Variants in SH3TC1 observed in about 807,000 individuals in gnomAD.
SH3TC1 encodes SH3 domain and tetratricopeptide repeat-containing protein 1.
Under a neutral mutation model 117.3 loss-of-function variants are expected in SH3TC1, and 135 were observed. That is an observed-to-expected ratio of 1.15 (90% CI 1.00 to 1.33). The LOEUF (loss-of-function observed/expected upper bound fraction) is 1.33. SH3TC1 is among the 40% of genes most tolerant of loss of function. SH3TC1 has a pLI of 0.00. For synonymous variants in SH3TC1, 898 were observed against 816.9 expected (o/e 1.10, Z -1.69); for missense variants, 2,092 against 1,794.3 (o/e 1.17, Z -3.00).
intron 17 of SH3TC1, among the ~76,000 whole-genome samples, chr4:8,239,301 GCACACA>G (rs773349385): frequency 6.1e-4 from 83 of 136,240 alleles, no homozygotes; most frequent in African/African-American, 1.9e-3. Context: ...GCACACATGA[GCACACA>G]CAGGCACAGG....
rs1207841716 is a variant in SH3TC1, at chr4:8,186,859, G to T, written c.-57+4649G>T. ...CTCGGGAGGCTGAGGTGGGAGAATC[G>T]CTTGAACCCAGAAGGTGGAGGTTGC... On this transcript the variant is annotated intron_variant, in intron 1 of 16. Coordinates refer to the SH3TC1 transcript ENST00000508641. The surrounding 1 kb of genome is among the most constrained non-coding windows in gnomAD (Gnocchi z 5.2). Among the ~76,000 whole-genome samples, 1 of 151,052 alleles carries T rather than the reference G, an allele frequency of 6.6e-6. No homozygotes were observed. Among genetic ancestry groups the T allele is most frequent in the Non-Finnish European group, 1.5e-5 (1 of 67,916 alleles).
chr4:8,235,538 G>C lies in SH3TC1; in HGVS notation c.3388G>C (p.Ala1130Pro). 6.2e-7 allele frequency: 1 copy of C among 1,602,936 alleles called. No individual in the cohort carries two copies. The highest frequency in any genetic ancestry group is 8.5e-7 in the Non-Finnish European group (1 of 1,174,186). ...CGACGGGGCCTGGGAGCGGGAGAAA[G>C]CTGTGTCCTTCTACCGGGTGAGCTG... The part of the protein sequence containing the change: ...FFDGAWEREK[A>P]VSFYRDRALP... The change falls in exon 15 of 18, where the codon GCT becomes CCT. Residue 1130 changes from alanine (A) to proline (P), a missense_variant. Coordinates refer to ENST00000245105, the MANE Select transcript of SH3TC1 (RefSeq NM_018986.5).
At position 8,225,207 on chromosome 4, in the gene SH3TC1, C is replaced by A; in HGVS notation, c.1276C>A (p.Gln426Lys). 1 of 1,613,828 alleles carries A rather than the reference C, an allele frequency of 6.2e-7. No individual in the cohort carries two copies. The highest frequency in any genetic ancestry group is 8.5e-7 in the Non-Finnish European group (1 of 1,179,914). Residue 426 changes from glutamine (Q) to lysine (K), a missense_variant, in exon 11 of 18, where the codon CAG becomes AAG. Coordinates refer to ENST00000245105, the MANE Select transcript of SH3TC1 (RefSeq NM_018986.5). This position sits in a 1 kb window ranked among gnomAD's most constrained non-coding sequence, Gnocchi z 5.5. ...SVEEAETEQP[Q>K]EKEIPPPCLS... is the part of the protein sequence containing the mutation. ...AGAGGAAGCTGAGACCGAGCAGCCG[C>A]AGGAAAAAGGTGGGTTTTGCCAGTG... is the stretch of plus-strand genomic sequence containing the variant.
chr4:8,198,454 T>C (rs556398250), upstream of SH3TC1, among the ~76,000 whole-genome samples: 1 of 152,296 alleles, frequency 6.6e-6, no homozygotes, highest in South Asian at 2.1e-4. Flanking sequence ...CACTCCTGTG[T>C]TGGCAAGGGC....
Position 8,183,296 on chromosome 4 carries a change from C to A in SH3TC1, c.-57+1086C>A, listed in dbSNP as rs969320049. On this transcript the variant is annotated intron_variant, in intron 1 of 16. Coordinates refer to the SH3TC1 transcript ENST00000508641. This position sits in a 1 kb window ranked among gnomAD's most constrained non-coding sequence, Gnocchi z 5.4. ...CAAGGTGGCAGGACTGGCTGAGGAC[C>A]ACGGCAGGTCACGCCTGGGGCTAGG... Among the ~76,000 whole-genome samples, 3 of 152,182 alleles carry A rather than the reference C, an allele frequency of 2.0e-5. No homozygotes were observed. In the South Asian group the frequency reaches 6.2e-4, roughly 31 times the overall value.
At chr4:8,201,340 C>A (rs997114559) in intron 1 of SH3TC1, 1 of 152,298 alleles carries the variant, frequency 6.6e-6, no homozygotes, top group Non-Finnish European at 1.5e-5. Context: ...ATGGAGAGGC[C>A]TCCCAGACAC....
chr4:8,238,065 C>T (rs1721982254), intron 17 of SH3TC1, among the ~76,000 whole-genome samples: 1 of 152,198 alleles, frequency 6.6e-6, no homozygotes, highest in Non-Finnish European at 1.5e-5. Context: ...ATCATCCTCA[C>T]ATTGAATCCA....
chr4:8,233,648 A>ATCCT (rs1358961253), intron 14 of SH3TC1, 135 bp downstream of exon 14: 1 of 1,087,726 alleles, frequency 9.2e-7, no homozygotes, highest in Non-Finnish European at 1.2e-6. Context: ...CCATCCATCC[A>ATCCT]TCCTTCCATC....
intron 8 of SH3TC1, among the ~76,000 whole-genome samples, chr4:8,218,789 C>T (rs773490345): frequency 1.3e-5 from 2 of 152,238 alleles, no homozygotes; most frequent in African/African-American, 4.8e-5. Flanking sequence ...AACAGAGGAC[C>T]GTGACCGCGT....
chr4:8,198,671 C>T (rs761821162), upstream of SH3TC1, among the ~76,000 whole-genome samples: 4 of 152,206 alleles, frequency 2.6e-5, no homozygotes, highest in African/African-American at 9.7e-5. Flanking sequence ...GAGGTAGACC[C>T]GTTGGGACAG....
intron 7 of SH3TC1, among the ~76,000 whole-genome samples, chr4:8,217,429 G>A (rs1719411452): frequency 6.6e-6 from 1 of 152,232 alleles, no homozygotes; most frequent in Admixed American, 6.5e-5. Context: ...CAGGAGATGT[G>A]GCATGAGCTC....
rs1298549452 is a variant in SH3TC1, at chr4:8,199,386, C to T, written c.-48C>T. ...ACGGCCCTGTGGGCCTGGGAGCTGC[C>T]TCTGAGGAACACGCCGCAGGTATGG... On this transcript the variant is annotated 5_prime_UTR_variant, in exon 1 of 18. Coordinates refer to ENST00000245105, the MANE Select transcript of SH3TC1 (RefSeq NM_018986.5). 2.6e-5 allele frequency: 4 copies of T among 152,338 alleles called. No homozygotes were observed. Among genetic ancestry groups the T allele is most frequent in the Non-Finnish European group, 4.4e-5 (3 of 68,106 alleles). The allele number at this position is 152,338 out of a possible 1,614,324, so 9.4% of individuals were successfully genotyped here.
At chr4:8,218,746 G>A (rs1006403912) in intron 8 of SH3TC1, among the ~76,000 whole-genome samples, 3 of 152,264 alleles carry the variant, frequency 2.0e-5, no homozygotes, top group Non-Finnish European at 2.9e-5. Flanking sequence ...GGGCCGAGGT[G>A]GGCTGGCGCT....
rs564398276 is a variant in SH3TC1, at chr4:8,227,768, C to T, written c.2074C>T (p.Leu692=). ...EEALPFLERL[L]LLHRDSGAPE... is the part of the protein sequence containing the mutation. ...GGCCCTGCCCTTCCTAGAGCGGCTG[C>T]TGCTTTTGCACAGGGACTCGGGAGC... Residue 692 remains leucine (L), a synonymous_variant, in exon 12 of 18, where the codon CTG becomes TTG. Transcript: ENST00000245105. The T allele has an allele frequency of 1.0e-4, 164 of 1,611,664 alleles. 1 individual carries two copies. In the South Asian group the frequency reaches 1.7e-3, roughly 17 times the overall value.
chr4:8,216,903 C>G, intron 6 of SH3TC1, 54 bp from the exon 7 acceptor site: 2 of 1,578,372 alleles, frequency 1.3e-6, no homozygotes, highest in African/African-American at 1.3e-5. Flanking sequence ...GGGGGCAGGG[C>G]CACAGCTGCG....
rs769086737 is a variant in SH3TC1, at chr4:8,233,567, C to A, written c.3282+54C>A. 218 of 1,523,020 alleles carry A rather than the reference C, an allele frequency of 1.4e-4. 1 individual carries two copies. In the Middle Eastern group the frequency reaches 1.9e-3, roughly 13 times the overall value. The allele number at this position is 1,523,020 out of a possible 1,614,324, so 94.3% of individuals were successfully genotyped here. A position where few individuals can be genotyped will look rare whatever the true frequency, so the allele number is the denominator to read the frequency against. ...CTGCACATGTTCACTCTCCATCCAT[C>A]CATCCGTCCATTGATGATGATGATA... On this transcript the variant is annotated intron_variant, in intron 14 of 17. Coordinates refer to ENST00000245105, the MANE Select transcript of SH3TC1 (RefSeq NM_018986.5).
chr4:8,189,229 G>C (rs1020387847), intron 1 of SH3TC1, among the ~76,000 whole-genome samples: 8 of 152,276 alleles, frequency 5.3e-5, no homozygotes, highest in East Asian at 3.9e-4. Context: ...GTGTGGTGCT[G>C]TGCTGGGCAC....
Position 8,235,433 on chromosome 4 carries a change from G to A in SH3TC1, c.3283G>A (p.Val1095Met), listed in dbSNP as rs780989980. 1 of 1,506,354 alleles carries A rather than the reference G, an allele frequency of 6.6e-7. No individual in the cohort carries two copies. Among genetic ancestry groups the A allele is most frequent in the African/African-American group, 1.4e-5 (1 of 71,450 alleles). The allele number at this position is 1,506,354 out of a possible 1,614,324, so 93.3% of individuals were successfully genotyped here. A position where few individuals can be genotyped will look rare whatever the true frequency, so the allele number is the denominator to read the frequency against. The stretch of plus-strand genomic sequence containing the variant: ...TGAGGGAACTTCTGCCTCCTTTCAG[G>A]TGGCACAGAACGTGGCCCTGTACAC... ...QSELVDLYIQ[V>M]AQNVALYTGD... Residue 1095 changes from valine to methionine, a missense_variant and splice_region_variant, in exon 15 of 18, where the codon GTG becomes ATG. Coordinates refer to ENST00000245105, the MANE Select transcript of SH3TC1 (RefSeq NM_018986.5).
chr4:8,197,122 G>A (rs1291892354), upstream of SH3TC1, among the ~76,000 whole-genome samples: 2 of 152,204 alleles, frequency 1.3e-5, no homozygotes, highest in Non-Finnish European at 2.9e-5. Context: ...GCTTAAGGGA[G>A]ACTGAAGAGG....
Sources: allele counts gnomAD v4.1 joint callset (sites outside exome capture counted in the v4.1 genomes callset), GRCh38; gene constraint gnomAD v4.1.1; non-coding constraint Gnocchi (gnomAD v3.1); transcripts MANE v1.5; gene names NCBI Gene and HGNC (gene_info 2026-07-23, HGNC 2026-07-21).